SAMD4A: variants seen among roughly 807,000 people sequenced by gnomAD.
SAMD4A encodes sterile alpha motif domain containing 4A.
Under a neutral mutation model 81.3 loss-of-function variants are expected in SAMD4A, and 33 were observed. The ratio of observed to expected loss-of-function variants is 0.41; its 90% CI spans 0.31 to 0.54. The LOEUF is 0.54. SAMD4A is among the 20% of genes least tolerant of loss of function. SAMD4A has a pLI of 0.37. For synonymous variants in SAMD4A, 389 were observed against 382.1 expected, an observed-to-expected ratio of 1.02 and a Z score of -0.21; for missense variants, 854 against 951.1, an observed-to-expected ratio of 0.90 and a Z score of 1.34.
intron 3 of SAMD4A, 151 bp from the exon 4 acceptor site, chr14:54,736,873 C>T: frequency 1.1e-6 from 1 of 881,300 alleles, no homozygotes. Context: ...AGAAAACGAC[C>T]ATGCCAGGCC....
At chr14:54,787,757 G>A (rs1594947103) in intron 12 of SAMD4A, among the ~76,000 whole-genome samples, 1 of 152,302 alleles carries the variant, frequency 6.6e-6, no homozygotes, top group East Asian at 1.9e-4. Flanking sequence ...GACTGTTATA[G>A]GGGCCTCTTA....
intron 2 of SAMD4A, among the ~76,000 whole-genome samples, chr14:54,674,662 T>C (rs2035952803): frequency 6.6e-6 from 1 of 152,234 alleles, no homozygotes; most frequent in South Asian, 2.1e-4. Flanking sequence ...AGAGAATCTA[T>C]TGACATTCTT....
chr14:54,663,881 C>T (rs879278255), intron 2 of SAMD4A, among the ~76,000 whole-genome samples: 1 of 152,204 alleles, frequency 6.6e-6, no homozygotes, highest in Non-Finnish European at 1.5e-5. Context: ...TCCCACCCAT[C>T]CCATCAGCTC....
Position 54,567,907 on chromosome 14 carries a change from C to T in SAMD4A, c.-10C>T. On this transcript the variant is annotated 5_prime_UTR_variant, in exon 2 of 13. Transcript: ENST00000554335. The stretch of plus-strand genomic sequence containing the variant: ...AGGGGGCTCTGTAGACCGAGGGCGG[C>T]CCCCTAACCATGATGTTTCGCGACC... The T allele has an allele frequency of 6.2e-7, 1 of 1,603,504 alleles. No individual in the cohort carries two copies.
intron 2 of SAMD4A, chr14:54,689,647 C>G (rs2036379780): frequency 6.6e-6 from 1 of 152,308 alleles, no homozygotes; most frequent in Admixed American, 6.5e-5. Flanking sequence ...CCTGATACTC[C>G]TACAGTTCTT....
chr14:54,665,351 C>T (rs1409769910), intron 2 of SAMD4A, among the ~76,000 whole-genome samples: 1 of 152,122 alleles, frequency 6.6e-6, no homozygotes, highest in Non-Finnish European at 1.5e-5. Context: ...AACAGGAATC[C>T]ACCCACCTCC....
chr14:54,785,415 C>CAGGCAGAGGAGAGA (rs2039112485), intron 12 of SAMD4A, among the ~76,000 whole-genome samples: 1 of 152,228 alleles, frequency 6.6e-6, no homozygotes, highest in African/African-American at 2.4e-5. Flanking sequence ...TGATGCTTGG[C>CAGGCAGAGGAGAGA]AGGCAGAGGA....
chr14:54,622,502 G>T (rs2034641233), intron 2 of SAMD4A, among the ~76,000 whole-genome samples: 1 of 152,172 alleles, frequency 6.6e-6, no homozygotes, highest in African/African-American at 2.4e-5. Flanking sequence ...GTCACATTTG[G>T]GTAATTCTGC....
At chr14:54,627,825 A>T (rs1372027075) in intron 2 of SAMD4A, among the ~76,000 whole-genome samples, 6 of 152,230 alleles carry the variant, frequency 3.9e-5, no homozygotes, top group African/African-American at 1.4e-4. Flanking sequence ...TGCTCGTTTC[A>T]TGCAGAGAGG....
chr14:54,581,168 C>T (rs183283731), intron 2 of SAMD4A, among the ~76,000 whole-genome samples: 1 of 152,204 alleles, frequency 6.6e-6, no homozygotes. Context: ...CTACAGAAAT[C>T]ACAAGGCTAT....
intron 2 of SAMD4A, among the ~76,000 whole-genome samples, chr14:54,688,750 A>G (rs2036347705): frequency 6.6e-6 from 1 of 152,092 alleles, no homozygotes; most frequent in African/African-American, 2.4e-5. Context: ...TCTCCTGGTA[A>G]GAAATCATGG....
At chr14:54,740,142 C>T (rs1160908042) in intron 4 of SAMD4A, among the ~76,000 whole-genome samples, 1 of 152,184 alleles carries the variant, frequency 6.6e-6, no homozygotes, top group Non-Finnish European at 1.5e-5. Flanking sequence ...TGCACTCCAG[C>T]CTGGGCAACA....
chr14:54,639,730 T>C (rs1480640212), intron 2 of SAMD4A, among the ~76,000 whole-genome samples: 1 of 151,850 alleles, frequency 6.6e-6, no homozygotes, highest in African/African-American at 2.4e-5. Flanking sequence ...TCATTTCTCC[T>C]GGATGCTAGG....
intron 2 of SAMD4A, among the ~76,000 whole-genome samples, chr14:54,569,433 G>A (rs567118262): frequency 3.3e-5 from 5 of 152,290 alleles, no homozygotes; most frequent in Middle Eastern, 3.4e-3. Flanking sequence ...GACTGCACCC[G>A]AAAGATCCTG....
At chr14:54,782,521 T>C (rs1315967477) in intron 11 of SAMD4A, among the ~76,000 whole-genome samples, 1 of 152,270 alleles carries the variant, frequency 6.6e-6, no homozygotes, top group Middle Eastern at 3.4e-3. Flanking sequence ...AACTAGTGGG[T>C]GGGGGCGGTG....
rs552948216 is a variant in SAMD4A, at chr14:54,722,331, C to A, written c.716-14693C>A. 2.2e-3 allele frequency among the ~76,000 whole-genome samples: 334 copies of A among 152,284 alleles called. 2 individuals carry two copies. Among genetic ancestry groups the A allele is most frequent in the African/African-American group, 7.7e-3 (322 of 41,554 alleles). On this transcript the variant is annotated intron_variant, in intron 3 of 12. Coordinates refer to ENST00000554335, the MANE Select transcript of SAMD4A (RefSeq NM_015589.6). ...AGATGTGACAGCTTTGGTTCTGGAA[C>A]AACCCCACTGGCATACAGTTGTTTA...
intron 3 of SAMD4A, among the ~76,000 whole-genome samples, chr14:54,732,480 T>A (rs1428303770): frequency 6.6e-6 from 1 of 152,184 alleles, no homozygotes; most frequent in African/African-American, 2.4e-5. Context: ...GAATATATGT[T>A]CATAACATTT....
intron 2 of SAMD4A, among the ~76,000 whole-genome samples, chr14:54,675,081 G>T (rs2140531435): frequency 6.6e-6 from 1 of 152,200 alleles, no homozygotes; most frequent in East Asian, 1.9e-4. Flanking sequence ...AAAGAAAGCA[G>T]AAGGCCAGGC....
At chr14:54,724,012 G>GGAAGGAAGGAAGGAAGGAA (rs1555347538) in intron 3 of SAMD4A, among the ~76,000 whole-genome samples, 38 of 141,598 alleles carry the variant, frequency 2.7e-4, no homozygotes, top group Admixed American at 9.2e-4. Flanking sequence ...ATGGATGGAA[G>GGAAGGAAGGAAGGAAGGAA]GAAGGAAGGA....
Sources: gnomAD v4.1 joint callset for allele counts (sites outside exome capture counted in the v4.1 genomes callset) on GRCh38, gnomAD v4.1.1 for gene constraint, MANE v1.5 for transcripts, NCBI Gene and HGNC (gene_info 2026-07-23, HGNC 2026-07-21) for gene names.